TMEM132B: variants seen among roughly 807,000 people sequenced by gnomAD.
TMEM132B encodes transmembrane protein 132B.
In TMEM132B, 18 loss-of-function variants were observed where a neutral mutation model predicts 90.8. The ratio of observed to expected loss-of-function variants is 0.20; its 90% confidence interval spans 0.14 to 0.29. The LOEUF (loss-of-function observed/expected upper bound fraction) is 0.29, where lower values mean the gene tolerates loss of function less well. TMEM132B is among the 10% of genes least tolerant of loss of function. The pLI is 1.00. For missense variants in TMEM132B, 1,096 were observed against 1,326.8 expected, an observed-to-expected ratio of 0.83 and a Z score of 2.70; for synonymous variants, 504 against 523.3, an observed-to-expected ratio of 0.96 and a Z score of 0.50.
At chr12:125,620,761 A>G (rs1251979971) in intron 5 of TMEM132B, among the ~76,000 whole-genome samples, 1 of 152,222 alleles carries the variant, frequency 6.6e-6, no homozygotes, top group Admixed American at 6.5e-5. Context: ...GGTGGCAGGA[A>G]GGAGAAGTAA....
At chr12:125,448,764 A>G (rs1185965150) in intron 3 of TMEM132B, among the ~76,000 whole-genome samples, 2 of 152,072 alleles carry the variant, frequency 1.3e-5, no homozygotes, top group Middle Eastern at 3.2e-3. Flanking sequence ...TTTCAAAGTG[A>G]TTGTATGATT....
At chr12:125,230,635 C>A (rs1405437683) in intron 1 of TMEM132B, among the ~76,000 whole-genome samples, 1 of 151,402 alleles carries the variant, frequency 6.6e-6, no homozygotes, top group East Asian at 1.9e-4. Context: ...CGCCTGCCAC[C>A]ACGCCCGTCT....
chr12:125,409,749 T>TGGAGTGAGTG (rs1555246893), intron 2 of TMEM132B, among the ~76,000 whole-genome samples: 1 of 10,688 alleles, frequency 9.4e-5, no homozygotes, highest in East Asian at 3.8e-3. Context: ...TGGAGTGGAG[T>TGGAGTGAGTG]GAGTGGAGTG....
At chr12:125,586,242 G>A (rs1240349040) in intron 5 of TMEM132B, 1 of 152,178 alleles carries the variant, frequency 6.6e-6, no homozygotes, top group African/African-American at 2.4e-5. Flanking sequence ...CCATGAGTTA[G>A]ATAAGGGAAA....
intron 1 of TMEM132B, among the ~76,000 whole-genome samples, chr12:125,343,386 C>A (rs1877255231): frequency 6.6e-6 from 1 of 152,154 alleles, no homozygotes; most frequent in South Asian, 2.1e-4. Flanking sequence ...TCACCTGTGA[C>A]CATGGAGCAA....
chr12:125,321,766 C>T (rs569380621), intron 1 of TMEM132B, among the ~76,000 whole-genome samples: 2 of 152,152 alleles, frequency 1.3e-5, no homozygotes, highest in South Asian at 2.1e-4. Context: ...GTGTGAGCCA[C>T]CAAGCTCACC....
chr12:125,440,029 T>C (rs527668013), intron 3 of TMEM132B, among the ~76,000 whole-genome samples: 2 of 152,330 alleles, frequency 1.3e-5, no homozygotes, highest in Admixed American at 1.3e-4. Context: ...TACTTGATCA[T>C]GGTGGATTAG....
At chr12:125,591,015 G>A (rs184621675) in intron 5 of TMEM132B, among the ~76,000 whole-genome samples, 4 of 151,432 alleles carry the variant, frequency 2.6e-5, no homozygotes, top group Non-Finnish European at 4.4e-5. Flanking sequence ...ACGCATGCAC[G>A]CCCGCGTGTG....
At position 125,650,764 on chromosome 12, in the gene TMEM132B, G is replaced by A; in HGVS notation, c.1725G>A (p.Val575=). The change falls in exon 7 of 9, where the codon GTG becomes GTA. Residue 575 remains valine, a synonymous_variant. Transcript: ENST00000682704. The part of the protein sequence containing the change: ...GCSLQYQHAT[V]RVLTQFVAES... ...CCCTGCAGTACCAGCACGCCACAGT[G>A]CGTGTCCTCACCCAGTTTGTGGCCG... The A allele has an allele frequency of 6.2e-7, 1 of 1,614,232 alleles. No individual in the cohort carries two copies. Among genetic ancestry groups the A allele is most frequent in the Non-Finnish European group, 8.5e-7 (1 of 1,180,048 alleles).
intron 5 of TMEM132B, among the ~76,000 whole-genome samples, chr12:125,611,641 T>G (rs531357213): frequency 2.9e-4 from 44 of 152,258 alleles, no homozygotes; most frequent in African/African-American, 9.6e-4. Flanking sequence ...TTTTCTAATT[T>G]CTCTTGTTAT....
rs1205115825 is a variant in TMEM132B, at chr12:125,650,888, A to G, written c.1849A>G (p.Lys617Glu). The G allele has an allele frequency of 1.2e-6, 2 of 1,613,772 alleles. No homozygotes were observed. Among genetic ancestry groups the G allele is most frequent in the Non-Finnish European group, 1.7e-6 (2 of 1,180,034 alleles). ...VTEFMKVEEP[K>E]IAQLQDGRTL... ...CGAGTTCATGAAGGTGGAGGAGCCG[A>G]AAATCGCTCAGTTACAGGACGGCAG... The change falls in exon 7 of 9, where the codon AAA becomes GAA. Residue 617 changes from lysine to glutamate, a missense_variant. Coordinates refer to ENST00000682704, the MANE Select transcript of TMEM132B (RefSeq NM_001366854.1).
chr12:125,377,375 G>A lies in TMEM132B; in HGVS notation c.959+27032G>A, dbSNP rs563265786. On this transcript the variant is annotated intron_variant, in intron 2 of 8. Coordinates refer to ENST00000682704, the MANE Select transcript of TMEM132B (RefSeq NM_001366854.1). ...GAACTTTGGATTGTGGGCTGGACTG[G>A]GGAGAAGGTGGAGGTGAAGTAGAGG... Among the ~76,000 whole-genome samples, 341 of 152,326 alleles carry A rather than the reference G, an allele frequency of 2.2e-3. 2 individuals carry two copies. Among genetic ancestry groups the A allele is most frequent in the African/African-American group, 7.6e-3 (318 of 41,576 alleles).
Position 125,415,738 on chromosome 12 carries a change from C to G in TMEM132B, c.1106+61C>G. On this transcript the variant is annotated intron_variant, in intron 3 of 8. Coordinates refer to ENST00000682704, the MANE Select transcript of TMEM132B (RefSeq NM_001366854.1). The surrounding 1 kb of genome is among the most constrained non-coding windows in gnomAD (Gnocchi z 5.3). Reference sequence around the variant, plus strand: ...GGGAGGAGGGGAGTGGCTGCCAGAGCTGATAGCAAAATAATGTGCGTGTGG... The same window carrying G: ...GGGAGGAGGGGAGTGGCTGCCAGAGGTGATAGCAAAATAATGTGCGTGTGG... 6.3e-7 allele frequency: 1 copy of G among 1,581,870 alleles called. No homozygotes were observed. The highest frequency in any genetic ancestry group is 8.6e-7 in the Non-Finnish European group (1 of 1,164,012).
In TMEM132B at chr12:125,456,972, G is replaced by C. The variant is rs569250810; in HGVS notation, c.1106+41295G>C. 2.0e-3 allele frequency among the ~76,000 whole-genome samples: 297 copies of C among 152,220 alleles called. 2 individuals carry two copies. The highest frequency in any genetic ancestry group is 6.9e-3 in the African/African-American group (288 of 41,530). ...TGTGATCTTCTCTTTCCCAGCCCTG[G>C]AGACACACATGCTGCCCAAATCCCG... On this transcript the variant is annotated intron_variant, in intron 3 of 8. Transcript: ENST00000682704.
chr12:125,204,984 TG>T (rs1271207086), intron 1 of TMEM132B, among the ~76,000 whole-genome samples: 8 of 112,894 alleles, frequency 7.1e-5, no homozygotes, highest in Non-Finnish European at 1.4e-4. Context: ...CCAGGCACTG[TG>T]CTTAGCTCTT....
At chr12:125,590,863 C>T (rs1885299226) in intron 5 of TMEM132B, among the ~76,000 whole-genome samples, 1 of 152,172 alleles carries the variant, frequency 6.6e-6, no homozygotes, top group Non-Finnish European at 1.5e-5. Context: ...GAGGAAGTGG[C>T]ATCTAGAAGG....
chr12:125,499,051 T>C (rs1195653268), intron 3 of TMEM132B, among the ~76,000 whole-genome samples: 3 of 152,214 alleles, frequency 2.0e-5, no homozygotes, highest in African/African-American at 7.2e-5. Flanking sequence ...GCAAGGCCTC[T>C]ACTAGGCCTT....
At chr12:125,603,335 A>G (rs1043155905) in intron 5 of TMEM132B, among the ~76,000 whole-genome samples, 3 of 152,160 alleles carry the variant, frequency 2.0e-5, no homozygotes, top group African/African-American at 7.2e-5. Flanking sequence ...GACAAACCTG[A>G]CAAAAGCAAT....
chr12:125,202,058 C>T (rs1391977930), intron 1 of TMEM132B, among the ~76,000 whole-genome samples: 1 of 152,202 alleles, frequency 6.6e-6, no homozygotes, highest in African/African-American at 2.4e-5. Flanking sequence ...TTCTCCTCCC[C>T]CTCCCATGGG....
Sources: allele counts gnomAD v4.1 joint callset (sites outside exome capture counted in the v4.1 genomes callset), GRCh38; gene constraint gnomAD v4.1.1; non-coding constraint Gnocchi (gnomAD v3.1); transcripts MANE v1.5; gene names NCBI Gene and HGNC (gene_info 2026-07-23, HGNC 2026-07-21).